ZNF696: variants seen among roughly 807,000 people sequenced by gnomAD.
ZNF696 encodes the protein zinc finger protein 696.
In ZNF696, 10 loss-of-function variants were observed where a neutral mutation model predicts 12.3. That is an observed-to-expected ratio of 0.81 (90% CI 0.50 to 1.38). The LOEUF is 1.38. ZNF696 is among the 40% of genes most tolerant of loss of function. The probability of loss-of-function intolerance (pLI) is 0.00; values close to 1 mark genes in which losing one functional copy is unlikely to be tolerated. For missense variants in ZNF696, 675 were observed against 554.7 expected (o/e 1.22, Z -2.18); for synonymous variants, 304 against 243.9 (o/e 1.25, Z -2.29).
intron 2 of ZNF696, 172 bp from the exon 3 acceptor site, chr8:143,295,567 AG>A (rs1815693800): frequency 1.4e-6 from 1 of 702,776 alleles, no homozygotes; most frequent in Non-Finnish European, 2.4e-6. Context: ...GAAGGTGGGG[AG>A]GAGAAAAAAA....
rs903826802 is a variant in ZNF696 at position 143,298,966 on chromosome 8, C to T, written c.*2166C>T. Among the ~76,000 whole-genome samples, 61 of 152,100 alleles carry T rather than the reference C, an allele frequency of 4.0e-4. No homozygotes were observed. Among genetic ancestry groups the T allele is most frequent in the African/African-American group, 1.5e-3 (61 of 41,394 alleles). On this transcript the variant is annotated 3_prime_UTR_variant, in exon 3 of 3. Transcript: ENST00000330143. ...CCTGAGGTCAGGAGTTTGAGACCAC[C>T]CTGGCCAACATGGCAAAACCCCATT... is the stretch of plus-strand genomic sequence containing the variant.
Position 143,296,708 on chromosome 8 carries a change from G to A in ZNF696, c.1033G>A (p.Gly345Ser), listed in dbSNP as rs1339399765. Reference sequence around the variant, plus strand: ...CTTCCGGCACCAGCGACTCCACACGGGCGAGAAGCCGTTCCGCTGCACCGA... The same window carrying A: ...CTTCCGGCACCAGCGACTCCACACGAGCGAGAAGCCGTTCCGCTGCACCGA... ...GFFRHQRLHTGEKPFRCTECG... is the reference protein window; with the variant it reads ...GFFRHQRLHTSEKPFRCTECG... The change falls in exon 3 of 3, where the codon GGC becomes AGC. Residue 345 changes from glycine (G) to serine (S), a missense_variant. Coordinates refer to ENST00000330143, the MANE Select transcript of ZNF696 (RefSeq NM_030895.3). 7 of 1,557,242 alleles carry A rather than the reference G, an allele frequency of 4.5e-6. No homozygotes were observed. The South Asian group carries it at 7.0e-5, about 16-fold the overall frequency.
chr8:143,291,729 C>T lies in ZNF696; in HGVS notation c.-69C>T. The T allele has an allele frequency of 1.0e-6, 1 of 985,498 alleles. No individual in the cohort carries two copies. Among genetic ancestry groups the T allele is most frequent in the Non-Finnish European group, 1.2e-6 (1 of 829,946 alleles). The allele number at this position is 985,498 out of a possible 1,614,324, so 61.0% of individuals were successfully genotyped here. A position where few individuals can be genotyped will look rare whatever the true frequency, so the allele number is the denominator to read the frequency against. ...CGGCCCAGCTCATCGAGCTTCTTCC[C>T]AGCTGTGAACAGGAGGGCCTGTTCC... On this transcript the variant is annotated 5_prime_UTR_variant, in exon 1 of 3. Transcript: ENST00000330143.
chr8:143,296,283 A>G lies in ZNF696; in HGVS notation c.608A>G (p.His203Arg). Reference protein sequence around the residue: ...SFNLLRHQRVHTGEKPYACAD... With the variant: ...SFNLLRHQRVRTGEKPYACAD... The stretch of plus-strand genomic sequence containing the variant: ...AACCTCCTCCGGCACCAGCGCGTGC[A>G]CACGGGCGAGAAGCCCTACGCGTGC... Residue 203 changes from histidine (H) to arginine (R), a missense_variant, in exon 3 of 3, where the codon CAC (histidine) becomes CGC (arginine). His to Arg is a conservative substitution (Grantham distance 29). Coordinates refer to ENST00000330143, the MANE Select transcript of ZNF696 (RefSeq NM_030895.3). 1.9e-6 allele frequency: 3 copies of G among 1,599,512 alleles called. No individual in the cohort carries two copies. Among genetic ancestry groups the G allele is most frequent in the African/African-American group, 1.3e-5 (1 of 74,856 alleles).
At chr8:143,293,293 A>T (rs968018281) in intron 2 of ZNF696, 1 of 580,758 alleles carries the variant, frequency 1.7e-6, no homozygotes, top group African/African-American at 1.9e-5. Flanking sequence ...TGGCAGCCCC[A>T]GGCTCTGCCT....
chr8:143,292,591 A>G (rs1815645431), intron 1 of ZNF696, among the ~76,000 whole-genome samples: 1 of 152,206 alleles, frequency 6.6e-6, no homozygotes, highest in Admixed American at 6.5e-5. Context: ...TCAAATCCTT[A>G]TAACTACCAA....
At chr8:143,293,479 C>A (rs1430875378) in intron 2 of ZNF696, among the ~76,000 whole-genome samples, 1 of 152,190 alleles carries the variant, frequency 6.6e-6, no homozygotes, top group African/African-American at 2.4e-5. Flanking sequence ...AAAACATCTC[C>A]ACACATTGTC....
chr8:143,296,316 G>A lies in ZNF696; in HGVS notation c.641G>A (p.Cys214Tyr). The change falls in exon 3 of 3, where the codon TGC becomes TAC. Residue 214 changes from cysteine to tyrosine, a missense_variant. Coordinates refer to ENST00000330143, the MANE Select transcript of ZNF696 (RefSeq NM_030895.3). ...TGEKPYACAD[C>Y]GKAFGQRSDA... ...GAGAAGCCCTACGCGTGCGCCGACT[G>A]CGGCAAGGCCTTCGGCCAGAGGTCG... 1 of 1,597,956 alleles carries A rather than the reference G, an allele frequency of 6.3e-7. No homozygotes were observed. Among genetic ancestry groups the A allele is most frequent in the Admixed American group, 1.7e-5 (1 of 59,138 alleles).
rs571159717 is a variant in ZNF696, at chr8:143,296,478, G to T, written c.803G>T (p.Arg268Leu). ...CACGGGGAGAACCCGTACGAGTGCCGGGAGTGCGGCCAGGCCTTCAGCCAG... is the reference window on the plus strand; with the variant it reads ...CACGGGGAGAACCCGTACGAGTGCCTGGAGTGCGGCCAGGCCTTCAGCCAG... Reference protein sequence around the residue: ...THHGENPYECRECGQAFSQSS... With the variant: ...THHGENPYECLECGQAFSQSS... Residue 268 changes from arginine (R) to leucine (L), a missense_variant, in exon 3 of 3, where the codon CGG (arginine) becomes CTG (leucine). By Grantham distance (102) the Arg-to-Leu change is moderately radical (BLOSUM62 -2). Transcript: ENST00000330143. The T allele has an allele frequency of 6.2e-7, 1 of 1,602,010 alleles. No individual in the cohort carries two copies. Among genetic ancestry groups the T allele is most frequent in the African/African-American group, 1.4e-5 (1 of 72,698 alleles).
rs765115514 is a variant in ZNF696, at chr8:143,296,669, G to T, written c.994G>T (p.Ala332Ser). Residue 332 changes from alanine (A) to serine (S), a missense_variant, in exon 3 of 3, where the codon GCG (alanine) becomes TCG (serine). Ala to Ser is a moderately conservative substitution (Grantham distance 99). Transcript: ENST00000330143. ...CGGCCACTGCGGGCGCGCGTTCCGGGCGCTGTCGGGCTTCTTCCGGCACCA... is the reference window on the plus strand; with the variant it reads ...CGGCCACTGCGGGCGCGCGTTCCGGTCGCTGTCGGGCTTCTTCCGGCACCA... ...QCGHCGRAFR[A>S]LSGFFRHQRL... 6.4e-7 allele frequency: 1 copy of T among 1,569,278 alleles called. No individual in the cohort carries two copies. Among genetic ancestry groups the T allele is most frequent in the Admixed American group, 1.8e-5 (1 of 56,114 alleles).
At position 143,296,398 on chromosome 8, in the gene ZNF696, G is replaced by T; in HGVS notation, c.723G>T (p.Glu241Asp). 3 of 1,580,754 alleles carry T rather than the reference G, an allele frequency of 1.9e-6. No individual in the cohort carries two copies. The highest frequency in any genetic ancestry group is 1.7e-4 in the Middle Eastern group (1 of 5,910). Residue 241 changes from glutamate (E) to aspartate (D), a missense_variant, in exon 3 of 3, where the codon GAG becomes GAT. Physicochemically the swap from Glu to Asp is conservative, Grantham distance 45. Coordinates refer to ENST00000330143, the MANE Select transcript of ZNF696 (RefSeq NM_030895.3). The part of the protein sequence containing the change: ...HTGERLYACG[E>D]CGKRFLHSSN... ...GGGAGAGGCTGTACGCGTGCGGCGAGTGCGGGAAGCGCTTCCTGCACAGCT... is the reference window on the plus strand; with the variant it reads ...GGGAGAGGCTGTACGCGTGCGGCGATTGCGGGAAGCGCTTCCTGCACAGCT...
rs534278458 is a variant in ZNF696, at chr8:143,297,058, C to T, written c.*258C>T. 300 of 377,284 alleles carry T rather than the reference C, an allele frequency of 8.0e-4. 1 individual carries two copies. The East Asian group carries it at 0.012, about 15-fold the overall frequency. 23.4% of individuals were successfully genotyped at this position (377,284 alleles called of 1,614,324 possible). On this transcript the variant is annotated 3_prime_UTR_variant, in exon 3 of 3. Transcript: ENST00000330143. ...GAGGTCTCAGGGGTCTGTCCCGGGC[C>T]GGCCGCCCGCCTCTGAGACTCCCCG...
At position 143,296,767 on chromosome 8, in the gene ZNF696, C is replaced by T; in HGVS notation, c.1092C>T (p.Leu364=). 1.4e-6 allele frequency: 2 copies of T among 1,452,262 alleles called. No individual in the cohort carries two copies. Among genetic ancestry groups the T allele is most frequent in the South Asian group, 1.4e-5 (1 of 69,752 alleles). 90.0% of individuals were successfully genotyped at this position (1,452,262 alleles called of 1,614,324 possible). A position where few individuals can be genotyped will look rare whatever the true frequency, so the allele number is the denominator to read the frequency against. Residue 364 remains leucine (L), a synonymous_variant, in exon 3 of 3, where the codon CTC becomes CTT. Transcript: ENST00000330143. ...CGRAFRLSFH[L]IQHRRVHGAE is the part of the protein sequence containing the mutation. Reference sequence around the variant, plus strand: ...GCGCCTTCCGCCTGAGCTTCCACCTCATCCAGCACCGGCGGGTGCATGGCG... The same window carrying T: ...GCGCCTTCCGCCTGAGCTTCCACCTTATCCAGCACCGGCGGGTGCATGGCG...
rs184182004 is a variant in ZNF696 at position 143,298,972 on chromosome 8, C to T, written c.*2172C>T. On this transcript the variant is annotated 3_prime_UTR_variant, in exon 3 of 3. Transcript: ENST00000330143. ...GTCAGGAGTTTGAGACCACCCTGGC[C>T]AACATGGCAAAACCCCATTTCTACT... Among the ~76,000 whole-genome samples the T allele has an allele frequency of 2.6e-3, 403 of 152,168 alleles. No individual in the cohort carries two copies. Among genetic ancestry groups the T allele is most frequent in the African/African-American group, 6.4e-3 (265 of 41,498 alleles).
intron 1 of ZNF696, 105 bp downstream of exon 1, chr8:143,291,872 A>ACTC (rs1210124020): frequency 1.2e-6 from 1 of 819,206 alleles, no homozygotes; most frequent in East Asian, 1.2e-4. Context: ...CTGGCCTCCT[A>ACTC]CTCCTGGGCT....
intron 1 of ZNF696, chr8:143,292,207 C>T (rs1815635858): frequency 6.6e-6 from 1 of 152,222 alleles, no homozygotes; most frequent in South Asian, 2.1e-4. Flanking sequence ...GTCCTCCATC[C>T]TGAGCCTTTT....
rs756234415 is a variant in ZNF696, at chr8:143,296,348, G to C, written c.673G>C (p.Ala225Pro). 1.9e-6 allele frequency: 3 copies of C among 1,588,044 alleles called. No homozygotes were observed. Among genetic ancestry groups the C allele is most frequent in the Non-Finnish European group, 2.6e-6 (3 of 1,171,242 alleles). Residue 225 changes from alanine to proline, a missense_variant, in exon 3 of 3, where the codon GCC (alanine) becomes CCC (proline). Coordinates refer to ENST00000330143, the MANE Select transcript of ZNF696 (RefSeq NM_030895.3). ...GGCCTTCGGCCAGAGGTCGGACGCC[G>C]CCAAGCACCGCCGCACCCACACCGG... is the stretch of plus-strand genomic sequence containing the variant. ...GKAFGQRSDAAKHRRTHTGER... is the reference protein window; with the variant it reads ...GKAFGQRSDAPKHRRTHTGER...
At position 143,296,689 on chromosome 8, in the gene ZNF696, G is replaced by C; in HGVS notation, c.1014G>C (p.Arg338=). ...RAFRALSGFF[R]HQRLHTGEKP... ...TCCGGGCGCTGTCGGGCTTCTTCCG[G>C]CACCAGCGACTCCACACGGGCGAGA... The change falls in exon 3 of 3, where the codon CGG becomes CGC. Residue 338 remains arginine (R), a synonymous_variant. Transcript: ENST00000330143. The C allele has an allele frequency of 4.5e-6, 7 of 1,566,936 alleles. No homozygotes were observed. The highest frequency in any genetic ancestry group is 6.0e-6 in the Non-Finnish European group (7 of 1,163,960).
rs1319438483 is a variant in ZNF696, at chr8:143,296,495, T to G, written c.820T>G (p.Phe274Val). 1 of 1,608,348 alleles carries G rather than the reference T, an allele frequency of 6.2e-7. No homozygotes were observed. The highest frequency in any genetic ancestry group is 1.3e-5 in the African/African-American group (1 of 74,692). Residue 274 changes from phenylalanine (F) to valine (V), a missense_variant, in exon 3 of 3, where the codon TTC becomes GTC. Coordinates refer to ENST00000330143, the MANE Select transcript of ZNF696 (RefSeq NM_030895.3). ...CGAGTGCCGGGAGTGCGGCCAGGCC[T>G]TCAGCCAGAGCTCCAACCTCCTCCA... is the stretch of plus-strand genomic sequence containing the variant. ...PYECRECGQA[F>V]SQSSNLLQHQ...
Sources: allele counts gnomAD v4.1 joint callset (sites outside exome capture counted in the v4.1 genomes callset), GRCh38; gene constraint gnomAD v4.1.1; transcripts MANE v1.5; gene names NCBI Gene and HGNC (gene_info 2026-07-23, HGNC 2026-07-21).